Variants in SDK1 observed in about 807,000 individuals in gnomAD.
SDK1 encodes sidekick cell adhesion molecule 1, also known as protein sidekick-1.
A neutral mutation model predicts 245.5 loss-of-function variants in SDK1; 157 were observed. The observed-to-expected ratio is 0.64, with a 90% confidence interval of 0.56 to 0.73. The LOEUF is 0.73. Ranked by LOEUF, SDK1 falls within the 30% of genes least tolerant of loss-of-function variation. The pLI, the probability that SDK1 is intolerant of heterozygous loss-of-function variation, is 0.00. For missense variants in SDK1, 3,583 were observed against 3,002.3 expected (o/e 1.19, Z -4.52); for synonymous variants, 1,647 against 1,278.5 (o/e 1.29, Z -6.15).
chr7:3,500,455 T>C (rs990977985), intron 1 of SDK1, among the ~76,000 whole-genome samples: 2 of 152,228 alleles, frequency 1.3e-5, no homozygotes, highest in African/African-American at 2.4e-5. Flanking sequence ...TCCTCACTTA[T>C]TTGAAAGTAT....
At chr7:3,554,914 T>C (rs1779538835) in intron 1 of SDK1, among the ~76,000 whole-genome samples, 1 of 152,116 alleles carries the variant, frequency 6.6e-6, no homozygotes, top group Non-Finnish European at 1.5e-5. Context: ...TATAAAACTT[T>C]TTGCAAGAAA....
At chr7:3,826,717 A>G (rs1779785160) in intron 5 of SDK1, among the ~76,000 whole-genome samples, 1 of 152,224 alleles carries the variant, frequency 6.6e-6, no homozygotes, top group Admixed American at 6.5e-5. Flanking sequence ...CTTCCTTGGG[A>G]TAGCTTGCGT....
chr7:3,475,257 C>A (rs947419077), intron 1 of SDK1, among the ~76,000 whole-genome samples: 1 of 152,164 alleles, frequency 6.6e-6, no homozygotes, highest in Non-Finnish European at 1.5e-5. Flanking sequence ...CCTGGCCCTT[C>A]CTTGGATACT....
At chr7:3,420,734 C>G (rs1408684933) in intron 1 of SDK1, among the ~76,000 whole-genome samples, 1 of 152,208 alleles carries the variant, frequency 6.6e-6, no homozygotes, top group African/African-American at 2.4e-5. Flanking sequence ...GAATTTGCGA[C>G]AGCTCAAGAA....
At chr7:3,659,969 C>G (rs988057385) in intron 4 of SDK1, among the ~76,000 whole-genome samples, 6 of 152,178 alleles carry the variant, frequency 3.9e-5, no homozygotes, top group South Asian at 2.1e-4. Flanking sequence ...CAACTGGATT[C>G]AGATCGGATA....
chr7:3,735,906 T>C (rs901320686), intron 4 of SDK1, among the ~76,000 whole-genome samples: 11 of 152,330 alleles, frequency 7.2e-5, no homozygotes, highest in African/African-American at 2.6e-4. Flanking sequence ...TACTCTCTCA[T>C]TGCGGTTTTA....
intron 39 of SDK1, 31 bp downstream of exon 39, chr7:4,220,301 A>G (rs762313924): frequency 1.0e-5 from 16 of 1,600,150 alleles, no homozygotes; most frequent in Non-Finnish European, 1.3e-5. Context: ...AGACAATGTC[A>G]ATTGCAACTT....
At chr7:3,828,663 TTTG>T (rs199843674) in intron 5 of SDK1, among the ~76,000 whole-genome samples, 17,234 of 62,878 alleles carry the variant, frequency 0.27, 1,444 homozygotes, top group South Asian at 0.37. Context: ...TTTTTTTTTT[TTTG>T]TTTTTTTGAC....
intron 35 of SDK1, 44 bp from the exon 36 acceptor site, chr7:4,205,835 C>G (rs1322297592): frequency 1.3e-6 from 2 of 1,487,368 alleles, no homozygotes. Flanking sequence ...CGGGCCGGCT[C>G]TGAATGAACG....
At chr7:4,114,001 G>A in intron 24 of SDK1, 36 bp from the exon 25 acceptor site, 1 of 1,579,562 alleles carries the variant, frequency 6.3e-7, no homozygotes, top group African/African-American at 1.3e-5. Context: ...GCAGTTCTGA[G>A]ATGTCAGCTC....
chr7:3,669,372 TCTTAC>T (rs1433776565), intron 4 of SDK1, among the ~76,000 whole-genome samples: 1 of 152,160 alleles, frequency 6.6e-6, no homozygotes, highest in African/African-American at 2.4e-5. Flanking sequence ...TACAGCACCT[TCTTAC>T]CCCCTTTTCA....
intron 42 of SDK1, among the ~76,000 whole-genome samples, 172 bp from the exon 43 acceptor site, chr7:4,241,621 C>G (rs1038466513): frequency 6.6e-6 from 1 of 152,170 alleles, no homozygotes; most frequent in African/African-American, 2.4e-5. Flanking sequence ...GTGATCAGTA[C>G]CTAGCTCTTC....
At chr7:3,557,790 A>G (rs1038682264) in intron 1 of SDK1, among the ~76,000 whole-genome samples, 2 of 152,170 alleles carry the variant, frequency 1.3e-5, no homozygotes, top group Non-Finnish European at 2.9e-5. Flanking sequence ...GCAGCTTGTT[A>G]CTTTAGGAGT....
At chr7:3,315,863 A>T (rs1779651619) in intron 1 of SDK1, among the ~76,000 whole-genome samples, 1 of 152,022 alleles carries the variant, frequency 6.6e-6, no homozygotes, top group South Asian at 2.1e-4. Context: ...AACTTGAATT[A>T]TTGTTTTGGG....
intron 1 of SDK1, among the ~76,000 whole-genome samples, chr7:3,556,201 G>A (rs1447361803): frequency 6.8e-6 from 1 of 146,582 alleles, no homozygotes; most frequent in African/African-American, 2.5e-5. Context: ...TAAAGAAAAT[G>A]TGATACATAT....
intron 4 of SDK1, among the ~76,000 whole-genome samples, chr7:3,732,556 A>G (rs565323089): frequency 1.3e-5 from 2 of 152,342 alleles, no homozygotes; most frequent in African/African-American, 4.8e-5. Context: ...TTCAGTGCTA[A>G]TAATTACACT....
intron 4 of SDK1, among the ~76,000 whole-genome samples, chr7:3,737,071 C>T (rs1583357528): frequency 6.6e-6 from 1 of 152,220 alleles, no homozygotes; most frequent in Admixed American, 6.5e-5. Context: ...AGGATACATC[C>T]ATGTTATCAC....
chr7:3,466,945 C>G (rs956365923), intron 1 of SDK1, among the ~76,000 whole-genome samples: 1 of 150,196 alleles, frequency 6.7e-6, no homozygotes, highest in Non-Finnish European at 1.5e-5. Flanking sequence ...TATTTTGTCT[C>G]TAGTTACTTC....
intron 4 of SDK1, among the ~76,000 whole-genome samples, chr7:3,713,656 C>A (rs537730212): frequency 1.3e-5 from 2 of 152,322 alleles, no homozygotes; most frequent in Admixed American, 6.5e-5. Flanking sequence ...TCATCAGATA[C>A]CTTTCTACAG....
Sources: gnomAD v4.1 joint callset for allele counts (sites outside exome capture counted in the v4.1 genomes callset) on GRCh38, gnomAD v4.1.1 for gene constraint, MANE v1.5 for transcripts, NCBI Gene and HGNC (gene_info 2026-07-23, HGNC 2026-07-21) for gene names.